The following FARP2 variants were observed in gnomAD, a reference collection of about 807,000 sequenced individuals.
FARP2 encodes the protein FERM, ARH/RhoGEF and pleckstrin domain protein 2, also known as FERM, ARHGEF and pleckstrin domain-containing protein 2.
FARP2 carries 111 observed loss-of-function variants against 130.5 expected under a neutral mutation model. The ratio of observed to expected loss-of-function variants is 0.85; its 90% CI spans 0.73 to 1.00. The LOEUF (loss-of-function observed/expected upper bound fraction) is 1.00, where lower values mean the gene tolerates loss of function less well. FARP2 is among the 50% of genes least tolerant of loss of function. The probability of loss-of-function intolerance (pLI) is 0.00; values close to 1 mark genes in which losing one functional copy is unlikely to be tolerated. For missense variants in FARP2, 1,385 were observed against 1,346.3 expected, an observed-to-expected ratio of 1.03 and a Z score of -0.45; for synonymous variants, 504 against 516.9, an observed-to-expected ratio of 0.98 and a Z score of 0.34.
chr2:241,411,625 T>C (rs759038484), intron 6 of FARP2, among the ~76,000 whole-genome samples: 2 of 152,136 alleles, frequency 1.3e-5, no homozygotes, highest in Non-Finnish European at 2.9e-5. Flanking sequence ...AAATAAACCA[T>C]GAGAAGTGTA....
chr2:241,385,124 C>T lies in FARP2; in HGVS notation c.183+11834C>T, dbSNP rs535832882. Among the ~76,000 whole-genome samples, 7 of 152,148 alleles carry T rather than the reference C, an allele frequency of 4.6e-5. No homozygotes were observed. In the East Asian group the frequency reaches 5.8e-4, roughly 13 times the overall value. ...CAGCTCTTAGTAAAACACAGGATTT[C>T]GTAATGAATCTTCAAATTTTACTTA... On this transcript the variant is annotated intron_variant, in intron 2 of 26. Coordinates refer to ENST00000264042, the MANE Select transcript of FARP2 (RefSeq NM_014808.4).
intron 21 of FARP2, 132 bp from the exon 22 acceptor site, chr2:241,489,830 T>C (rs1388733987): frequency 1.6e-6 from 1 of 632,022 alleles, no homozygotes; most frequent in African/African-American, 1.8e-5. Context: ...TTGTAGAGTC[T>C]GTGTGCACTT....
intron 6 of FARP2, among the ~76,000 whole-genome samples, chr2:241,412,197 G>C (rs997070478): frequency 1.3e-5 from 2 of 152,128 alleles, no homozygotes; most frequent in Admixed American, 6.5e-5. Flanking sequence ...AGAGAGGCTT[G>C]TACAGGGAAA....
chr2:241,429,632 A>G (rs76543564), intron 8 of FARP2, among the ~76,000 whole-genome samples: 10,545 of 152,216 alleles, frequency 0.069, 457 homozygotes, highest in Middle Eastern at 0.15. Context: ...GCTCATGCCT[A>G]TAGTCCCAAC....
chr2:241,382,292 A>T (rs73002160), intron 2 of FARP2, among the ~76,000 whole-genome samples: 24,797 of 125,938 alleles, frequency 0.2, 2,510 homozygotes, highest in East Asian at 0.42. Flanking sequence ...TACAAAATCT[A>T]TTTTTTTTTT....
intron 17 of FARP2, chr2:241,466,296 G>C: frequency 1.0e-6 from 1 of 985,434 alleles, no homozygotes; most frequent in South Asian, 4.7e-5. Flanking sequence ...AGTAGTGCTT[G>C]TCTTGGAAAG....
intron 7 of FARP2, among the ~76,000 whole-genome samples, chr2:241,413,754 C>T (rs1264811222): frequency 6.6e-6 from 1 of 152,060 alleles, no homozygotes; most frequent in Non-Finnish European, 1.5e-5. Context: ...ACCAGCCTGG[C>T]CAACATAGTG....
intron 21 of FARP2, chr2:241,488,435 T>A (rs1246069175): frequency 6.7e-6 from 1 of 150,080 alleles, no homozygotes; most frequent in Non-Finnish European, 1.5e-5. Context: ...TTTTTTTTTT[T>A]AGATGGAGTC....
At chr2:241,493,883 C>T in intron 26 of FARP2, 125 bp from the exon 27 acceptor site, 1 of 592,362 alleles carries the variant, frequency 1.7e-6, no homozygotes, top group Non-Finnish European at 2.9e-6. Context: ...AGGCATGAGC[C>T]ACCGCACCCG....
chr2:241,490,991 C>G (rs2064878219), intron 22 of FARP2, 70 bp from the exon 23 acceptor site: 2 of 1,212,054 alleles, frequency 1.7e-6, no homozygotes, highest in Admixed American at 3.4e-5. Context: ...TGACGGCTCG[C>G]CCTCCCTTGA....
At chr2:241,389,605 G>A (rs963388564) in intron 2 of FARP2, among the ~76,000 whole-genome samples, 20 of 152,172 alleles carry the variant, frequency 1.3e-4, no homozygotes, top group Admixed American at 1.0e-3. Flanking sequence ...CTTACTCAAG[G>A]TTACGCAGGA....
chr2:241,492,855 T>C, intron 24 of FARP2, 74 bp from the exon 25 acceptor site: 1 of 842,624 alleles, frequency 1.2e-6, no homozygotes, highest in South Asian at 1.4e-5. Flanking sequence ...AGGCTTAGTC[T>C]TGGGGAGCAA....
In FARP2 at chr2:241,459,691, A is replaced by G. The variant is rs1368213624; in HGVS notation, c.1587+2769A>G. Among the ~76,000 whole-genome samples, 1 of 152,208 alleles carries G rather than the reference A, an allele frequency of 6.6e-6. No homozygotes were observed. The highest frequency in any genetic ancestry group is 1.5e-5 in the Non-Finnish European group (1 of 68,044). On this transcript the variant is annotated intron_variant, in intron 14 of 26. Transcript: ENST00000264042. The surrounding 1 kb of genome is among the most constrained non-coding windows in gnomAD (Gnocchi z 5.3). ...TGGGCCTATCCCTGGCCGCCGTCTC[A>G]TCCCTGGCCTGCAGCCCAGCTTGCT...
chr2:241,404,909 G>GT (rs2062292516), intron 4 of FARP2, 68 bp downstream of exon 4: 4 of 1,235,272 alleles, frequency 3.2e-6, no homozygotes, highest in Non-Finnish European at 4.8e-6. Flanking sequence ...TGTTTAAAAG[G>GT]CATGTTCAAC....
In FARP2 at chr2:241,437,665, TA is replaced by T. The variant is rs1275411938; in HGVS notation, c.1158+1128del. ...ATATATATATATTTATTTATTTATT[TA>T]TTTATTTTTTTTTTTTGAGACGGAG... On this transcript the variant is annotated intron_variant, in intron 12 of 26. Coordinates refer to ENST00000264042, the MANE Select transcript of FARP2 (RefSeq NM_014808.4). Among the ~76,000 whole-genome samples the T allele has an allele frequency of 1.3e-3, 185 of 143,842 alleles. 1 individual carries two copies. The highest frequency in any genetic ancestry group is 4.0e-3 in the African/African-American group (159 of 40,146). The allele number at this position is 143,842 out of a possible 152,430, so 94.4% of individuals were successfully genotyped here.
intron 6 of FARP2, among the ~76,000 whole-genome samples, chr2:241,411,650 C>T (rs1010228176): frequency 3.3e-5 from 5 of 152,154 alleles, no homozygotes; most frequent in African/African-American, 7.2e-5. Flanking sequence ...GAGGTTCTGG[C>T]ACCTTGCCGA....
At chr2:241,440,361 G>A (rs2063350884) in intron 12 of FARP2, among the ~76,000 whole-genome samples, 1 of 152,186 alleles carries the variant, frequency 6.6e-6, no homozygotes, top group Non-Finnish European at 1.5e-5. Flanking sequence ...GTGAGTAGAG[G>A]GGGCTCAGCC....
chr2:241,358,212 A>T (rs186124517), intron 1 of FARP2, among the ~76,000 whole-genome samples: 93 of 152,322 alleles, frequency 6.1e-4, no homozygotes, highest in Non-Finnish European at 8.4e-4. Context: ...AATAAATAAA[A>T]AAAGCTGTGT....
Position 241,463,388 on chromosome 2 carries a change from G to A in FARP2, c.1731G>A (p.Thr577=), listed in dbSNP as rs768579504. 3.7e-6 allele frequency: 6 copies of A among 1,614,084 alleles called. No homozygotes were observed. The highest frequency in any genetic ancestry group is 2.2e-5 in the East Asian group (1 of 44,866). ...ACGCCATGCCTGCGACTCTGATGAC[G>A]CTGCTCTTCTCCAACATCGATCCCA... ...KEDAMPATLM[T]LLFSNIDPIY... is the part of the protein sequence containing the mutation. Residue 577 remains threonine (T), a synonymous_variant, in exon 16 of 27, where the codon ACG becomes ACA. Coordinates refer to ENST00000264042, the MANE Select transcript of FARP2 (RefSeq NM_014808.4).
Sources: allele counts gnomAD v4.1 joint callset (sites outside exome capture counted in the v4.1 genomes callset), GRCh38; gene constraint gnomAD v4.1.1; non-coding constraint Gnocchi (gnomAD v3.1); transcripts MANE v1.5; gene names NCBI Gene and HGNC (gene_info 2026-07-23, HGNC 2026-07-21).